The following DOCK8 variants were observed in gnomAD, a reference collection of about 807,000 sequenced individuals.
DOCK8 encodes dedicator of cytokinesis protein 8.
In DOCK8, 141 loss-of-function variants were observed where a neutral mutation model predicts 245.6. The ratio of observed to expected loss-of-function variants is 0.57; its 90% CI spans 0.50 to 0.66. The LOEUF (loss-of-function observed/expected upper bound fraction) is 0.66. DOCK8 is among the 30% of genes least tolerant of loss of function. The pLI is 0.00. For synonymous variants in DOCK8, 1,168 were observed against 970.2 expected (o/e 1.20, Z -3.79); for missense variants, 2,965 against 2,603.4 (o/e 1.14, Z -3.02).
chr9:262,879 C>T (rs1359716824), intron 1 of DOCK8, among the ~76,000 whole-genome samples: 1 of 151,980 alleles, frequency 6.6e-6, no homozygotes, highest in African/African-American at 2.4e-5. Flanking sequence ...TGACCTTTGT[C>T]TTTTAATTAG....
chr9:216,059 C>G (rs1236453638), intron 1 of DOCK8, among the ~76,000 whole-genome samples: 1 of 152,174 alleles, frequency 6.6e-6, no homozygotes, highest in East Asian at 1.9e-4. Flanking sequence ...CCTAGAAAAA[C>G]AAGGCGATAA....
chr9:215,032 A>T lies in DOCK8; in HGVS notation c.53+3A>T, dbSNP rs2131309341. 6.3e-7 allele frequency: 1 copy of T among 1,580,644 alleles called. No homozygotes were observed. Among genetic ancestry groups the T allele is most frequent in the East Asian group, 2.3e-5 (1 of 43,034 alleles). ...GCGTTCGCGCTCAAGATCAACAGGT[A>T]AGACGCCCCCCGCGGCGCGCAGGTT... On this transcript the variant is annotated splice_donor_region_variant and intron_variant, in intron 1 of 47. Transcript: ENST00000432829.
intron 7 of DOCK8, 25 bp from the exon 8 acceptor site, chr9:325,646 A>C (rs774836227): frequency 6.2e-7 from 1 of 1,606,368 alleles, no homozygotes; most frequent in Admixed American, 1.7e-5. Context: ...AAAGCCACAT[A>C]GATTTTCCTC....
At chr9:217,247 C>T (rs4741632) in intron 1 of DOCK8, among the ~76,000 whole-genome samples, 19,547 of 152,150 alleles carry the variant, frequency 0.13, 1,600 homozygotes, top group East Asian at 0.37. Context: ...CAATCAGCTT[C>T]ACTGCTGTCA....
At chr9:238,424 G>T (rs2047309078) in intron 1 of DOCK8, among the ~76,000 whole-genome samples, 1 of 152,158 alleles carries the variant, frequency 6.6e-6, no homozygotes, top group Non-Finnish European at 1.5e-5. Flanking sequence ...TCCACACTTG[G>T]TAGATACTCA....
intron 41 of DOCK8, 101 bp downstream of exon 41, chr9:441,518 T>G: frequency 6.4e-7 from 1 of 1,562,802 alleles, no homozygotes; most frequent in Non-Finnish European, 8.7e-7. Flanking sequence ...TGATTTATCT[T>G]TAGCACATTG....
At chr9:215,406 C>G in intron 1 of DOCK8, 2 of 1,542,258 alleles carry the variant, frequency 1.3e-6, no homozygotes, top group Non-Finnish European at 1.7e-6. Context: ...TAAACGGCTC[C>G]TTCCTTTGAG....
At chr9:460,560 A>G (rs565592802) in intron 46 of DOCK8, 34 of 152,378 alleles carry the variant, frequency 2.2e-4, no homozygotes, top group African/African-American at 7.5e-4. Flanking sequence ...CTTCCCTTCT[A>G]TTTCTTCCCT....
At chr9:408,350 T>C (rs1156701094) in intron 28 of DOCK8, among the ~76,000 whole-genome samples, 1 of 152,218 alleles carries the variant, frequency 6.6e-6, no homozygotes. Flanking sequence ...CAGGATAGTG[T>C]GGGGAATCTC....
chr9:283,472 G>A (rs2048677600), intron 2 of DOCK8, among the ~76,000 whole-genome samples: 1 of 152,124 alleles, frequency 6.6e-6, no homozygotes, highest in Non-Finnish European at 1.5e-5. Flanking sequence ...TAGTGGTAAA[G>A]TCTGGACTTT....
chr9:243,428 G>T lies in DOCK8; in HGVS notation c.54-28199G>T, dbSNP rs115291633. Among the ~76,000 whole-genome samples, 834 of 152,282 alleles carry T rather than the reference G, an allele frequency of 5.5e-3. 6 individuals are homozygous for T. The highest frequency in any genetic ancestry group is 0.019 in the African/African-American group (794 of 41,542). ...GAAAGGGACAGTGCGCTGCTGATCA[G>T]ACTTGGGTTCTGTCTCTCCTCTGCT... is the stretch of plus-strand genomic sequence containing the variant. On this transcript the variant is annotated intron_variant, in intron 1 of 47. Transcript: ENST00000432829.
chr9:401,401 G>C (rs1198542976), intron 26 of DOCK8, among the ~76,000 whole-genome samples: 11 of 152,128 alleles, frequency 7.2e-5, no homozygotes, highest in Admixed American at 7.2e-4. Flanking sequence ...GGGGAGAGGA[G>C]GATTAGGGCA....
chr9:249,277 C>T (rs1484453918), intron 1 of DOCK8, among the ~76,000 whole-genome samples: 5 of 150,984 alleles, frequency 3.3e-5, no homozygotes, highest in Non-Finnish European at 5.9e-5. Flanking sequence ...TTCTTTTGTC[C>T]AACAATAAAC....
chr9:341,543 A>C (rs1192190377), intron 14 of DOCK8, among the ~76,000 whole-genome samples: 3 of 152,220 alleles, frequency 2.0e-5, no homozygotes, highest in Non-Finnish European at 4.4e-5. Flanking sequence ...CCCAGTCTCC[A>C]GTCACAGACT....
At chr9:339,584 A>G (rs145813478) in intron 13 of DOCK8, among the ~76,000 whole-genome samples, 6,706 of 152,130 alleles carry the variant, frequency 0.044, 491 homozygotes, top group African/African-American at 0.15. Context: ...GCACAATCTC[A>G]GCTCACTGCA....
chr9:363,136 C>T (rs1048096895), intron 14 of DOCK8, among the ~76,000 whole-genome samples: 11 of 152,162 alleles, frequency 7.2e-5, no homozygotes, highest in Non-Finnish European at 1.2e-4. Context: ...GAGGGAAAAT[C>T]GCTGATGATT....
At chr9:251,927 A>G (rs867083411) in intron 1 of DOCK8, among the ~76,000 whole-genome samples, 1 of 151,594 alleles carries the variant, frequency 6.6e-6, no homozygotes, top group South Asian at 2.1e-4. Context: ...ATGGGAAACT[A>G]CTTAACCAGC....
At chr9:400,799 A>AGCT (rs1449334496) in intron 26 of DOCK8, among the ~76,000 whole-genome samples, 1 of 62,570 alleles carries the variant, frequency 1.6e-5, no homozygotes, top group Admixed American at 1.7e-4. Context: ...CATCACCACC[A>AGCT]CCTCCACCAT....
chr9:228,891 C>CA (rs2047045081), intron 1 of DOCK8, among the ~76,000 whole-genome samples: 1 of 152,178 alleles, frequency 6.6e-6, no homozygotes, highest in Admixed American at 6.5e-5. Context: ...TGGGCTCACT[C>CA]ACAAGTCCAG....
Sources: gnomAD v4.1 joint callset for allele counts (sites outside exome capture counted in the v4.1 genomes callset) on GRCh38, gnomAD v4.1.1 for gene constraint, MANE v1.5 for transcripts, NCBI Gene and HGNC (gene_info 2026-07-23, HGNC 2026-07-21) for gene names.